The following ESRRB variants were observed in gnomAD, a reference collection of about 807,000 sequenced individuals.
ESRRB encodes the protein steroid hormone receptor ERR2.
ESRRB carries 16 observed loss-of-function variants against 46.0 expected under a neutral mutation model. That is an observed-to-expected ratio of 0.35 (90% CI 0.24 to 0.53). ESRRB has a LOEUF of 0.53. ESRRB is among the 20% of genes least tolerant of loss of function. The probability of loss-of-function intolerance (pLI) is 0.93; values close to 1 mark genes in which losing one functional copy is unlikely to be tolerated. For missense variants in ESRRB, 488 were observed against 607.4 expected (o/e 0.80, Z 2.07); for synonymous variants, 246 against 259.6 (o/e 0.95, Z 0.50).
intron 1 of ESRRB, among the ~76,000 whole-genome samples, chr14:76,432,832 ACC>A (rs1887514182): frequency 6.6e-6 from 1 of 151,272 alleles, no homozygotes; most frequent in Non-Finnish European, 1.5e-5. Context: ...ATGCCACCAT[ACC>A]CAGCTAATTT....
intron 1 of ESRRB, among the ~76,000 whole-genome samples, chr14:76,437,805 G>A (rs1370581756): frequency 6.6e-6 from 1 of 152,172 alleles, no homozygotes. Context: ...GTTGAGAGAA[G>A]AACAAGTCCT....
intron 5 of ESRRB, among the ~76,000 whole-genome samples, chr14:76,483,964 G>A (rs1441677984): frequency 1.3e-5 from 2 of 152,030 alleles, no homozygotes; most frequent in Admixed American, 6.6e-5. Context: ...AGTGATTCTC[G>A]GGCCTCAGCC....
At chr14:76,437,823 C>A (rs1423238978) in intron 1 of ESRRB, among the ~76,000 whole-genome samples, 2 of 152,212 alleles carry the variant, frequency 1.3e-5, no homozygotes, top group Non-Finnish European at 2.9e-5. Flanking sequence ...CCTCTCCCTT[C>A]ATCCTGGGAG....
In ESRRB at chr14:76,313,626, C is replaced by G. The variant is rs188808208; in HGVS notation, c.2+2710C>G. 4.8e-3 allele frequency among the ~76,000 whole-genome samples: 734 copies of G among 152,280 alleles called. 3 individuals carry two copies. The highest frequency in any genetic ancestry group is 0.015 in the Admixed American group (223 of 15,298). On this transcript the variant is annotated intron_variant, in intron 1 of 6. Coordinates refer to the ESRRB transcript ENST00000512784. Reference sequence around the variant, plus strand: ...CTGGAAAGTGCTCCCCTAATTCAAACGATTTTACATAGTTGAGGCCTCTCC... The same window carrying G: ...CTGGAAAGTGCTCCCCTAATTCAAAGGATTTTACATAGTTGAGGCCTCTCC...
At chr14:76,358,330 AG>A (rs1182155885) in intron 1 of ESRRB, among the ~76,000 whole-genome samples, 145 of 13,686 alleles carry the variant, frequency 0.011, 15 homozygotes, top group African/African-American at 0.052. Context: ...AAAAAAAGAA[AG>A]AAAGAAAGAA....
rs567671346 is a variant in ESRRB, at chr14:76,439,698, C to T, written c.408C>T (p.Tyr136=). Residue 136 remains tyrosine, a synonymous_variant, in exon 2 of 7, where the codon TAC becomes TAT. Transcript: ENST00000644823. Reference sequence around the variant, plus strand: ...GGGACATTGCCTCTGGCTACCACTACGGCGTGGCCTCCTGCGAGGCTTGCA... The same window carrying T: ...GGGACATTGCCTCTGGCTACCACTATGGCGTGGCCTCCTGCGAGGCTTGCA... The part of the protein sequence containing the change: ...VCGDIASGYH[Y]GVASCEACKA... 6.8e-6 allele frequency: 11 copies of T among 1,614,186 alleles called. No individual in the cohort carries two copies. The Admixed American group carries it at 1.0e-4, about 15-fold the overall frequency.
At chr14:76,326,234 A>C (rs1595044994) in intron 1 of ESRRB, among the ~76,000 whole-genome samples, 1 of 152,154 alleles carries the variant, frequency 6.6e-6, no homozygotes, top group Non-Finnish European at 1.5e-5. Flanking sequence ...CTAAGGGAAA[A>C]AAAAAGGTAA....
intron 1 of ESRRB, among the ~76,000 whole-genome samples, chr14:76,397,425 G>C (rs534647060): frequency 6.6e-6 from 1 of 152,158 alleles, no homozygotes; most frequent in Non-Finnish European, 1.5e-5. Context: ...TGCTACCCAC[G>C]CAAAACAGCC....
At position 76,499,080 on chromosome 14, in the gene ESRRB, C is replaced by T. The variant is rs1037129589; in HGVS notation, c.*622C>T. On this transcript the variant is annotated 3_prime_UTR_variant, in exon 7 of 7. Coordinates refer to ENST00000644823, the MANE Select transcript of ESRRB (RefSeq NM_001379180.1). ...GCTCAAGTGCTTCCTGGGCACCCCA[C>T]CCCTCGGGGCCTACCCCCCTGCCTG... The T allele has an allele frequency of 6.0e-6, 2 of 334,176 alleles. No homozygotes were observed. The highest frequency in any genetic ancestry group is 8.5e-5 in the Admixed American group (2 of 23,638). 20.7% of individuals were successfully genotyped at this position (334,176 alleles called of 1,614,324 possible). A position where few individuals can be genotyped will look rare whatever the true frequency, so the allele number is the denominator to read the frequency against.
At chr14:76,365,598 T>C (rs1022248087) in intron 1 of ESRRB, among the ~76,000 whole-genome samples, 1 of 152,232 alleles carries the variant, frequency 6.6e-6, no homozygotes, top group Non-Finnish European at 1.5e-5. Flanking sequence ...TGAACCATTC[T>C]GAACCATTAG....
At chr14:76,358,121 G>C (rs1313194105) in intron 1 of ESRRB, among the ~76,000 whole-genome samples, 1 of 151,830 alleles carries the variant, frequency 6.6e-6, no homozygotes, top group East Asian at 1.9e-4. Flanking sequence ...AGACCAGCCT[G>C]GCCAACATGG....
intron 2 of ESRRB, among the ~76,000 whole-genome samples, chr14:76,451,785 G>T (rs565741547): frequency 4.2e-5 from 5 of 118,138 alleles, no homozygotes; most frequent in Admixed American, 8.3e-5. Flanking sequence ...ACCATGCCCA[G>T]CTAATTTTTT....
chr14:76,487,602 A>T (rs903497232), intron 5 of ESRRB, among the ~76,000 whole-genome samples: 1 of 151,012 alleles, frequency 6.6e-6, no homozygotes, highest in Admixed American at 6.6e-5. Context: ...TCTAGGATAA[A>T]TTTCTTTTTT....
intron 3 of ESRRB, among the ~76,000 whole-genome samples, chr14:76,476,060 G>A (rs1232128591): frequency 1.3e-5 from 2 of 151,210 alleles, no homozygotes; most frequent in South Asian, 2.1e-4. Context: ...ATCTTTAAGA[G>A]TGAAGTGGGT....
At chr14:76,478,879 A>C (rs1407775511) in intron 3 of ESRRB, among the ~76,000 whole-genome samples, 2 of 152,062 alleles carry the variant, frequency 1.3e-5, no homozygotes, top group African/African-American at 4.8e-5. Context: ...GCTGTCACTG[A>C]AGGGGCTTGC....
chr14:76,471,678 G>T (rs976670070), intron 3 of ESRRB, among the ~76,000 whole-genome samples: 4 of 152,166 alleles, frequency 2.6e-5, no homozygotes, highest in Non-Finnish European at 5.9e-5. Flanking sequence ...TCTCAGAAAG[G>T]CCTCCCTATC....
intron 1 of ESRRB, among the ~76,000 whole-genome samples, chr14:76,332,876 T>TATATA (rs1884052234): frequency 8.5e-5 from 1 of 11,754 alleles, no homozygotes; most frequent in Non-Finnish European, 1.5e-4. Context: ...AATATATTTT[T>TATATA]TTATATATTA....
intron 1 of ESRRB, among the ~76,000 whole-genome samples, chr14:76,350,370 T>TC (rs1257083415): frequency 6.6e-6 from 1 of 152,210 alleles, no homozygotes; most frequent in Non-Finnish European, 1.5e-5. Flanking sequence ...TCGAGAAGTT[T>TC]GCTACCTTCC....
rs34977404 is a variant in ESRRB at position 76,475,369 on chromosome 14, GAAAAAAA to G, written c.578-6639_578-6633del. The stretch of plus-strand genomic sequence containing the variant: ...GGGCAACAGAGGAAGACCTTGCCTC[GAAAAAAA>G]AAAAAAAGAAAGAAAGAAAAAGTGG... On this transcript the variant is annotated intron_variant, in intron 3 of 6. Coordinates refer to ENST00000644823, the MANE Select transcript of ESRRB (RefSeq NM_001379180.1). Among the ~76,000 whole-genome samples, 163 of 130,738 alleles carry G rather than the reference GAAAAAAA, an allele frequency of 1.2e-3. 3 individuals are homozygous for G. The East Asian group carries it at 0.031, about 25-fold the overall frequency. 85.8% of individuals were successfully genotyped at this position (130,738 alleles called of 152,430 possible).
Sources: gnomAD v4.1 joint callset for allele counts (sites outside exome capture counted in the v4.1 genomes callset) on GRCh38, gnomAD v4.1.1 for gene constraint, MANE v1.5 for transcripts, NCBI Gene and HGNC (gene_info 2026-07-23, HGNC 2026-07-21) for gene names.